Variants in ARHGAP39 observed in about 807,000 individuals in gnomAD.
The protein encoded by ARHGAP39 is Rho GTPase activating protein 39.
ARHGAP39 carries 44 observed loss-of-function variants against 106.9 expected under a neutral mutation model. The ratio of observed to expected loss-of-function variants is 0.41; its 90% CI spans 0.32 to 0.53. ARHGAP39 has a LOEUF of 0.53. Among genes scored for constraint, ARHGAP39 ranks in the 20% least tolerant of loss-of-function variants. The probability of loss-of-function intolerance (pLI) is 0.21; values close to 1 mark genes in which losing one functional copy is unlikely to be tolerated. For synonymous variants in ARHGAP39, 768 were observed against 693.2 expected (o/e 1.11, Z -1.69); for missense variants, 1,496 against 1,577.3 (o/e 0.95, Z 0.87).
chr8:144,551,536 C>A (rs1817690224), intron 4 of ARHGAP39, among the ~76,000 whole-genome samples: 1 of 152,220 alleles, frequency 6.6e-6, no homozygotes, highest in Non-Finnish European at 1.5e-5. Context: ...CCACGCAGCA[C>A]AGATACAGTG....
intron 1 of ARHGAP39, among the ~76,000 whole-genome samples, chr8:144,650,346 T>C (rs1168768152): frequency 6.6e-6 from 1 of 152,152 alleles, no homozygotes; most frequent in Non-Finnish European, 1.5e-5. Flanking sequence ...ATACCATTCC[T>C]ACTGAAACTA....
At chr8:144,611,469 AT>A (rs1325642238) in intron 1 of ARHGAP39, among the ~76,000 whole-genome samples, 1 of 152,164 alleles carries the variant, frequency 6.6e-6, no homozygotes, top group Non-Finnish European at 1.5e-5. Context: ...ACAACTGTGG[AT>A]TTGTCTACTT....
intron 3 of ARHGAP39, among the ~76,000 whole-genome samples, chr8:144,567,561 C>A (rs1818444054): frequency 6.6e-6 from 1 of 152,210 alleles, no homozygotes; most frequent in Non-Finnish European, 1.5e-5. Flanking sequence ...TGACATCAGT[C>A]AGGCTCGCCT....
chr8:144,536,647 G>C (rs1267087575), intron 7 of ARHGAP39, among the ~76,000 whole-genome samples: 1 of 152,204 alleles, frequency 6.6e-6, no homozygotes, highest in Non-Finnish European at 1.5e-5. Flanking sequence ...GGTGAGGCCA[G>C]GCTGGGTGAC....
chr8:144,600,515 TGCGTGGAG>T (rs1819833928), intron 2 of ARHGAP39, among the ~76,000 whole-genome samples: 1 of 149,772 alleles, frequency 6.7e-6, no homozygotes, highest in Non-Finnish European at 1.5e-5. Flanking sequence ...TACCTGCGTG[TGCGTGGAG>T]GCGTGCGTGT....
intron 1 of ARHGAP39, among the ~76,000 whole-genome samples, chr8:144,669,467 A>C: frequency 7.6e-6 from 1 of 131,820 alleles, no homozygotes. Flanking sequence ...AGATCACACC[A>C]CTGCACTCCA....
intron 1 of ARHGAP39, among the ~76,000 whole-genome samples, chr8:144,675,935 T>C (rs780641257): frequency 5.9e-5 from 9 of 151,542 alleles, no homozygotes; most frequent in Non-Finnish European, 1.3e-4. Flanking sequence ...TTCATGAAGA[T>C]AGCATGTCCA....
intron 1 of ARHGAP39, among the ~76,000 whole-genome samples, chr8:144,626,555 C>T (rs1399312503): frequency 8.3e-6 from 1 of 121,074 alleles, no homozygotes; most frequent in African/African-American, 3.4e-5. Context: ...CCGGCGGCCC[C>T]GTTCACGGAG....
intron 2 of ARHGAP39, among the ~76,000 whole-genome samples, chr8:144,592,149 T>C (rs1819426213): frequency 6.6e-6 from 1 of 152,176 alleles, no homozygotes; most frequent in Non-Finnish European, 1.5e-5. Context: ...CAACAAAGAA[T>C]AGCATTTTGT....
rs1816706405 is a variant in ARHGAP39, at chr8:144,531,236, A to AAGGCAGCGAGCAGCAGGTGGGGAGT, written c.2981-366_2981-365insACTCCCCACCTGCTGCTCGCTGCCT. Among the ~76,000 whole-genome samples, 9 of 31,822 alleles carry AAGGCAGCGAGCAGCAGGTGGGGAGT rather than the reference A, an allele frequency of 2.8e-4. 2 individuals carry two copies. Among genetic ancestry groups the AAGGCAGCGAGCAGCAGGTGGGGAGT allele is most frequent in the African/African-American group, 1.0e-3 (5 of 4,804 alleles). 20.9% of individuals were successfully genotyped at this position (31,822 alleles called of 152,430 possible). ...GGCTAGACATAGCAGGCACGGCAGAAGGGCACAGGGCAGCGAGCAGCAGGT... is the reference window on the plus strand; with the variant it reads ...GGCTAGACATAGCAGGCACGGCAGAAAGGCAGCGAGCAGCAGGTGGGGAGTGGGCACAGGGCAGCGAGCAGCAGGT... On this transcript the variant is annotated intron_variant, in intron 10 of 11. Coordinates refer to ENST00000377307, the MANE Select transcript of ARHGAP39 (RefSeq NM_025251.3).
rs377174049 is a variant in ARHGAP39, at chr8:144,585,249, C to G, written c.81-3972G>C. On this transcript the variant is annotated intron_variant, in intron 2 of 11. Transcript: ENST00000377307. The surrounding 1 kb of genome is among the most constrained non-coding windows in gnomAD (Gnocchi z 4.6). ...CAGATGCAATGGCAGACTCACTCTT[C>G]TTCCCAAGGGCCTCACCTGTCTCCC... Among the ~76,000 whole-genome samples the G allele has an allele frequency of 5.3e-5, 8 of 152,188 alleles. No homozygotes were observed. The highest frequency in any genetic ancestry group is 1.7e-4 in the African/African-American group (7 of 41,448).
At position 144,679,528 on chromosome 8, in the gene ARHGAP39, A is replaced by C. The variant is rs1025065897; in HGVS notation, c.-82+6158T>G. ...GCTGCAGTGCTGGGGTTGCTACTGC[A>C]ACTCGCTCTGGAGAAAGCTGTCCAG... On this transcript the variant is annotated intron_variant, in intron 1 of 11. Transcript: ENST00000377307. This position sits in a 1 kb window ranked among gnomAD's most constrained non-coding sequence, Gnocchi z 4.7. 2.0e-5 allele frequency among the ~76,000 whole-genome samples: 3 copies of C among 152,216 alleles called. No individual in the cohort carries two copies. The highest frequency in any genetic ancestry group is 4.4e-5 in the Non-Finnish European group (3 of 68,034).
intron 2 of ARHGAP39, among the ~76,000 whole-genome samples, chr8:144,597,740 G>T (rs1286035138): frequency 6.6e-6 from 1 of 152,214 alleles, no homozygotes; most frequent in Non-Finnish European, 1.5e-5. Context: ...AGTTAGGAAA[G>T]GGCTTCCTGA....
intron 1 of ARHGAP39, among the ~76,000 whole-genome samples, chr8:144,614,965 G>C (rs1303219888): frequency 3.3e-5 from 5 of 152,148 alleles, no homozygotes; most frequent in African/African-American, 1.2e-4. Flanking sequence ...ACAATGATCA[G>C]TATGATGTTG....
At chr8:144,564,542 A>G (rs902598538) in intron 3 of ARHGAP39, among the ~76,000 whole-genome samples, 1 of 152,274 alleles carries the variant, frequency 6.6e-6, no homozygotes, top group Non-Finnish European at 1.5e-5. Flanking sequence ...AAAGTAGTTG[A>G]GAAAGACATT....
chr8:144,676,217 T>C (rs1157368980), intron 1 of ARHGAP39, among the ~76,000 whole-genome samples: 1 of 152,208 alleles, frequency 6.6e-6, no homozygotes, highest in Non-Finnish European at 1.5e-5. Context: ...CTCCCACCGA[T>C]TGGTCCATTT....
chr8:144,696,791 A>G, the ARHGAP39 span, among the ~76,000 whole-genome samples: 13 of 152,170 alleles, frequency 8.5e-5, no homozygotes, highest in African/African-American at 3.1e-4. Flanking sequence ...GTGTAAAACT[A>G]AAACTGTCCC....
At chr8:144,599,336 G>A (rs895383557) in intron 2 of ARHGAP39, among the ~76,000 whole-genome samples, 3 of 152,202 alleles carry the variant, frequency 2.0e-5, no homozygotes, top group Admixed American at 1.3e-4. Flanking sequence ...CGACAATCTC[G>A]ATGGTCTGGG....
intron 1 of ARHGAP39, among the ~76,000 whole-genome samples, chr8:144,675,552 G>A (rs1332066037): frequency 4.6e-5 from 7 of 152,076 alleles, no homozygotes; most frequent in African/African-American, 1.7e-4. Context: ...CATTCCTTCC[G>A]GTGGGTTTGT....
Sources: allele counts gnomAD v4.1 joint callset (sites outside exome capture counted in the v4.1 genomes callset), GRCh38; gene constraint gnomAD v4.1.1; non-coding constraint Gnocchi (gnomAD v3.1); transcripts MANE v1.5; gene names NCBI Gene and HGNC (gene_info 2026-07-23, HGNC 2026-07-21).